Variants in LOC128462377 observed in about 807,000 individuals in gnomAD.
At chr16:89,326,084 T>G in the LOC128462377 span, among the ~76,000 whole-genome samples, 2 of 152,192 alleles carry the variant, frequency 1.3e-5, no homozygotes, top group Non-Finnish European at 2.9e-5. Context: ...ATGCTTCTTT[T>G]ACACAGAAGG....
At chr16:89,380,832 G>A in the LOC128462377 span, among the ~76,000 whole-genome samples, 3 of 152,232 alleles carry the variant, frequency 2.0e-5, no homozygotes, top group Admixed American at 2.0e-4. Context: ...AGGAAGGAGT[G>A]TGTGCAGTTC....
At chr16:89,355,847 T>C in the LOC128462377 span, among the ~76,000 whole-genome samples, 50 of 152,116 alleles carry the variant, frequency 3.3e-4, no homozygotes, top group South Asian at 7.5e-3. Context: ...CGCAGCCCAA[T>C]GGAAAGGCAG....
chr16:89,391,330 G>C, the LOC128462377 span, among the ~76,000 whole-genome samples: 1 of 152,110 alleles, frequency 6.6e-6, no homozygotes, highest in African/African-American at 2.4e-5. Flanking sequence ...CCCAGGGCTT[G>C]CGGTGGGTGC....
At chr16:89,342,074 ACCG>A in the LOC128462377 span, among the ~76,000 whole-genome samples, 664 of 40,190 alleles carry the variant, frequency 0.017, 17 homozygotes, top group East Asian at 0.039. Flanking sequence ...CTGCACCTCC[ACCG>A]CCCACAGCTC....
chr16:89,403,512 G>C, the LOC128462377 span: 2 of 152,004 alleles, frequency 1.3e-5, no homozygotes, highest in African/African-American at 4.8e-5. Context: ...AAAGCAACTG[G>C]ACACACGCTC....
At chr16:89,367,656 AG>A in the LOC128462377 span, among the ~76,000 whole-genome samples, 1 of 152,184 alleles carries the variant, frequency 6.6e-6, no homozygotes, top group African/African-American at 2.4e-5. Flanking sequence ...TCCCTTGACC[AG>A]GAAAGCTCCC....
chr16:89,355,778 G>A, the LOC128462377 span, among the ~76,000 whole-genome samples: 5 of 152,180 alleles, frequency 3.3e-5, no homozygotes, highest in East Asian at 3.9e-4. Flanking sequence ...CCTGACAATC[G>A]CATCTGCACC....
At chr16:89,365,637 A>G in the LOC128462377 span, among the ~76,000 whole-genome samples, 1 of 152,336 alleles carries the variant, frequency 6.6e-6, no homozygotes, top group African/African-American at 2.4e-5. Context: ...AAGAGCAGTA[A>G]GCCAAGTAGG....
chr16:89,320,994 C>G, the LOC128462377 span: 3 of 152,374 alleles, frequency 2.0e-5, no homozygotes, highest in African/African-American at 7.2e-5. Context: ...CAGGAGGTGA[C>G]AGATGCTGTC....
At chr16:89,337,410 G>T in the LOC128462377 span, among the ~76,000 whole-genome samples, 1 of 130,056 alleles carries the variant, frequency 7.7e-6, no homozygotes, top group South Asian at 2.7e-4. Context: ...CACAATACAT[G>T]AACATGGTCT....
chr16:89,351,942 ACT>A, the LOC128462377 span, among the ~76,000 whole-genome samples: 3 of 152,170 alleles, frequency 2.0e-5, no homozygotes, highest in African/African-American at 7.2e-5. Flanking sequence ...AGACAGTCTC[ACT>A]CTGTCGCCCA....
the LOC128462377 span, among the ~76,000 whole-genome samples, chr16:89,356,227 G>GT: frequency 1.3e-5 from 2 of 151,870 alleles, no homozygotes; most frequent in African/African-American, 4.8e-5. Flanking sequence ...ACTATTGTGG[G>GT]TTTTTAAAAA....
the LOC128462377 span, chr16:89,321,308 G>A: frequency 6.6e-6 from 1 of 152,344 alleles, no homozygotes; most frequent in Non-Finnish European, 1.5e-5. Context: ...GGGGAATCCG[G>A]CGCTGCCTCT....
At chr16:89,325,469 T>TCACACACACA in the LOC128462377 span, among the ~76,000 whole-genome samples, 1 of 147,640 alleles carries the variant, frequency 6.8e-6, no homozygotes, top group African/African-American at 2.6e-5. Context: ...TCTCTCTCTC[T>TCACACACACA]CACACACACA....
At chr16:89,317,153 A>C in the LOC128462377 span, 1 of 993,908 alleles carries the variant, frequency 1.0e-6, no homozygotes, top group Non-Finnish European at 1.5e-6. Flanking sequence ...ACCGCACTCA[A>C]CAGACTCAGT....
the LOC128462377 span, among the ~76,000 whole-genome samples, chr16:89,377,579 T>C: frequency 6.6e-6 from 1 of 152,118 alleles, no homozygotes; most frequent in Admixed American, 6.5e-5. Context: ...CTGGTGGTGA[T>C]GAGTGCTTCT....
At chr16:89,416,935 A>T in the LOC128462377 span, among the ~76,000 whole-genome samples, 1 of 151,712 alleles carries the variant, frequency 6.6e-6, no homozygotes, top group Non-Finnish European at 1.5e-5. Flanking sequence ...CCTCCATGGC[A>T]CCCCTTTTAT....
chr16:89,368,374 T>G, the LOC128462377 span, among the ~76,000 whole-genome samples: 55 of 28,958 alleles, frequency 1.9e-3, no homozygotes, highest in Middle Eastern at 0.038. Context: ...TTTTTGTGTT[T>G]TTTTTTTTTT....
the LOC128462377 span, among the ~76,000 whole-genome samples, chr16:89,413,489 G>C: frequency 6.6e-6 from 1 of 152,260 alleles, no homozygotes. Flanking sequence ...GCCGGGCGTG[G>C]TGGCGGGCAC....
Sources: gnomAD v4.1 joint callset for allele counts (sites outside exome capture counted in the v4.1 genomes callset) on GRCh38, gnomAD v4.1.1 for gene constraint, MANE v1.5 for transcripts.